Variants in MEOX2 observed in about 807,000 individuals in gnomAD.
MEOX2 encodes the protein mesenchyme homeobox 2.
MEOX2 carries 11 observed loss-of-function variants against 27.0 expected under a neutral mutation model. The observed-to-expected ratio is 0.41, with a 90% CI of 0.26 to 0.68. MEOX2 has a LOEUF of 0.68. Among genes scored for constraint, MEOX2 ranks in the 30% least tolerant of loss-of-function variants. The pLI is 0.33. For synonymous variants in MEOX2, 189 were observed against 155.4 expected (o/e 1.22, Z -1.61); for missense variants, 436 against 385.4 (o/e 1.13, Z -1.10).
chr7:15,660,979 C>CTCCA (rs1200024154), intron 1 of MEOX2, among the ~76,000 whole-genome samples: 1 of 129,314 alleles, frequency 7.7e-6, no homozygotes, highest in East Asian at 2.4e-4. Context: ...TGCCATTGCA[C>CTCCA]TCCAGCCTTG....
chr7:15,659,210 CA>C (rs964960414), intron 1 of MEOX2, among the ~76,000 whole-genome samples: 1 of 151,862 alleles, frequency 6.6e-6, no homozygotes, highest in African/African-American at 2.4e-5. Context: ...AGCAGAAGTC[CA>C]AAAATTTACT....
chr7:15,640,812 C>T (rs573393597), intron 1 of MEOX2, among the ~76,000 whole-genome samples: 2 of 152,072 alleles, frequency 1.3e-5, no homozygotes, highest in Non-Finnish European at 2.9e-5. Flanking sequence ...ATTCTGTTTA[C>T]ATAGTGAATC....
intron 1 of MEOX2, among the ~76,000 whole-genome samples, chr7:15,675,354 T>A (rs1782175756): frequency 1.3e-5 from 2 of 152,328 alleles, no homozygotes; most frequent in African/African-American, 4.8e-5. Flanking sequence ...AATCATGAAA[T>A]CAGATTCTGG....
chr7:15,661,457 T>A (rs1020305104), intron 1 of MEOX2, among the ~76,000 whole-genome samples: 1 of 152,182 alleles, frequency 6.6e-6, no homozygotes, highest in East Asian at 1.9e-4. Context: ...GGGGCCTGAA[T>A]TTTGGAATGC....
At chr7:15,679,578 A>G (rs1583795768) in intron 1 of MEOX2, 1 of 152,236 alleles carries the variant, frequency 6.6e-6, no homozygotes, top group East Asian at 1.9e-4. Context: ...TAAAGTTTTT[A>G]CCACTGAGTT....
chr7:15,677,161 T>C (rs1782208184), intron 1 of MEOX2, among the ~76,000 whole-genome samples: 1 of 152,236 alleles, frequency 6.6e-6, no homozygotes, highest in Non-Finnish European at 1.5e-5. Flanking sequence ...CCTATAGCAG[T>C]ATTTGTAATA....
At chr7:15,613,948 GCTAT>G (rs1781076520) in intron 2 of MEOX2, among the ~76,000 whole-genome samples, 1 of 151,928 alleles carries the variant, frequency 6.6e-6, no homozygotes, top group African/African-American at 2.4e-5. Context: ...TATGGCTGCT[GCTAT>G]CTATCTTCTC....
At chr7:15,634,835 T>C (rs1397798739) in intron 1 of MEOX2, among the ~76,000 whole-genome samples, 5 of 151,940 alleles carry the variant, frequency 3.3e-5, no homozygotes, top group African/African-American at 1.2e-4. Flanking sequence ...TCACCCAAAA[T>C]ATAACTGCAG....
intron 1 of MEOX2, among the ~76,000 whole-genome samples, chr7:15,627,493 A>C (rs1781331541): frequency 6.6e-6 from 1 of 152,078 alleles, no homozygotes; most frequent in African/African-American, 2.4e-5. Context: ...TATTATACTT[A>C]GTCCAACATG....
rs529311797 is a variant in MEOX2 at position 15,686,191 on chromosome 7, T to C, written c.212A>G (p.His71Arg). 19 of 1,598,374 alleles carry C rather than the reference T, an allele frequency of 1.2e-5. No individual in the cohort carries two copies. The highest frequency in any genetic ancestry group is 4.5e-5 in the South Asian group (4 of 89,352). ...GTGGTGATGGTGGTGGTGGTGGTGGTGGTGGTGGTGCCCCCTGTGATGCTG... is the reference window on the plus strand; with the variant it reads ...GTGGTGATGGTGGTGGTGGTGGTGGCGGTGGTGGTGCCCCCTGTGATGCTG... ...ASQHHRGHHH[H>R]HHHHHHHHHQ... The change falls in exon 1 of 3, where the codon CAC becomes CGC. Residue 71 changes from histidine to arginine, a missense_variant. By Grantham distance (29) the His-to-Arg change is conservative. Coordinates refer to ENST00000262041, the MANE Select transcript of MEOX2 (RefSeq NM_005924.5).
At chr7:15,650,134 G>A (rs1781713076) in intron 1 of MEOX2, among the ~76,000 whole-genome samples, 1 of 152,008 alleles carries the variant, frequency 6.6e-6, no homozygotes, top group Non-Finnish European at 1.5e-5. Context: ...TGGATGTTTG[G>A]CCATGCCTTA....
chr7:15,664,850 G>T (rs1451241458), intron 1 of MEOX2, among the ~76,000 whole-genome samples: 1 of 152,054 alleles, frequency 6.6e-6, no homozygotes, highest in Non-Finnish European at 1.5e-5. Context: ...TTTCTAGCAG[G>T]TGTGAAGACC....
intron 2 of MEOX2, among the ~76,000 whole-genome samples, chr7:15,620,873 T>C (rs1465345061): frequency 6.6e-6 from 1 of 152,192 alleles, no homozygotes; most frequent in Non-Finnish European, 1.5e-5. Context: ...CACCTTTGAT[T>C]AGCTCTGTGA....
chr7:15,626,167 C>T (rs1345187424), intron 2 of MEOX2, among the ~76,000 whole-genome samples: 1 of 152,044 alleles, frequency 6.6e-6, no homozygotes, highest in Non-Finnish European at 1.5e-5. Flanking sequence ...CATAAACTTC[C>T]AATTCTTTCT....
chr7:15,648,219 A>T (rs1781679643), intron 1 of MEOX2, among the ~76,000 whole-genome samples: 1 of 152,146 alleles, frequency 6.6e-6, no homozygotes, highest in South Asian at 2.1e-4. Flanking sequence ...TATGAACAGC[A>T]TGAATAAATA....
intron 2 of MEOX2, among the ~76,000 whole-genome samples, chr7:15,615,542 A>G (rs1562593553): frequency 6.6e-6 from 1 of 152,030 alleles, no homozygotes; most frequent in South Asian, 2.1e-4. Flanking sequence ...TTCCTGTATT[A>G]TAATTTAGGT....
At chr7:15,634,022 G>A (rs17168938) in intron 1 of MEOX2, among the ~76,000 whole-genome samples, 7,417 of 151,828 alleles carry the variant, frequency 0.049, 593 homozygotes, top group East Asian at 0.36. Context: ...CACATATCTC[G>A]TGTAACTAAT....
rs563326836 is a variant in MEOX2 at position 15,627,887 on chromosome 7, A to G, written c.518-969T>C. Among the ~76,000 whole-genome samples, 3 of 151,658 alleles carry G rather than the reference A, an allele frequency of 2.0e-5. No homozygotes were observed. The South Asian group carries it at 6.2e-4, about 31-fold the overall frequency. On this transcript the variant is annotated intron_variant, in intron 1 of 2. Coordinates refer to ENST00000262041, the MANE Select transcript of MEOX2 (RefSeq NM_005924.5). ...CTTAGGGCAAATTTATCCTCAGTGA[A>G]ATATCAACATAATCAAGAAAAAAGG...
intron 1 of MEOX2, among the ~76,000 whole-genome samples, chr7:15,631,105 T>C (rs954765580): frequency 3.3e-5 from 5 of 151,968 alleles, no homozygotes; most frequent in African/African-American, 4.8e-5. Context: ...AAACATCTAT[T>C]ATTTCTTGTA....
Sources: allele counts gnomAD v4.1 joint callset (sites outside exome capture counted in the v4.1 genomes callset), GRCh38; gene constraint gnomAD v4.1.1; transcripts MANE v1.5; gene names NCBI Gene and HGNC (gene_info 2026-07-23, HGNC 2026-07-21).